Variants in DLGAP2 observed in about 807,000 individuals in gnomAD.
DLGAP2 encodes the protein DLG associated protein 2.
Under a neutral mutation model 100.3 loss-of-function variants are expected in DLGAP2, and 26 were observed. That is an observed-to-expected ratio of 0.26 (90% CI 0.19 to 0.36). The LOEUF (loss-of-function observed/expected upper bound fraction) is 0.36, where lower values mean the gene tolerates loss of function less well. Among genes scored for constraint, DLGAP2 ranks in the 10% least tolerant of loss-of-function variants. DLGAP2 has a pLI of 1.00. For synonymous variants in DLGAP2, 886 were observed against 630.1 expected, an observed-to-expected ratio of 1.41 and a Z score of -6.08; for missense variants, 1,858 against 1,453.2, an observed-to-expected ratio of 1.28 and a Z score of -4.53.
At chr8:1,382,278 G>A (rs1220343124) in intron 3 of DLGAP2, among the ~76,000 whole-genome samples, 1 of 152,218 alleles carries the variant, frequency 6.6e-6, no homozygotes, top group Non-Finnish European at 1.5e-5. Context: ...TCACCACAGA[G>A]GCCTTCATCC....
intron 2 of DLGAP2, among the ~76,000 whole-genome samples, chr8:915,956 C>T (rs1234584137): frequency 2.6e-5 from 4 of 151,478 alleles, no homozygotes; most frequent in Admixed American, 6.6e-5. Flanking sequence ...TCTGCCCGTC[C>T]GTCAGTTCAC....
chr8:1,099,235 C>A (rs1804500204), intron 2 of DLGAP2, among the ~76,000 whole-genome samples: 1 of 152,164 alleles, frequency 6.6e-6, no homozygotes, highest in South Asian at 2.1e-4. Context: ...GCGATGAATT[C>A]CCGCAGAGGG....
At chr8:1,571,139 G>GGAGGGT (rs1802654403) in intron 6 of DLGAP2, among the ~76,000 whole-genome samples, 1 of 125,756 alleles carries the variant, frequency 8.0e-6, no homozygotes, top group African/African-American at 3.5e-5. Flanking sequence ...GGGGTGAACT[G>GGAGGGT]TGGGGGCATC....
intron 1 of DLGAP2, among the ~76,000 whole-genome samples, chr8:823,799 G>A (rs1240233832): frequency 1.3e-5 from 2 of 152,196 alleles, no homozygotes; most frequent in South Asian, 2.1e-4. Context: ...GAGGCCATTC[G>A]GGAGCCCGGG....
At chr8:1,361,627 C>G (rs571301283) in intron 3 of DLGAP2, among the ~76,000 whole-genome samples, 61 of 152,328 alleles carry the variant, frequency 4.0e-4, no homozygotes, top group South Asian at 3.5e-3. Context: ...ATCGTTTAAA[C>G]GGAGCATGGG....
chr8:1,359,220 A>C (rs567467012), intron 3 of DLGAP2, among the ~76,000 whole-genome samples: 1 of 152,242 alleles, frequency 6.6e-6, no homozygotes, highest in Non-Finnish European at 1.5e-5. Flanking sequence ...TAAACTCAAC[A>C]GGAAAATCCA....
intron 3 of DLGAP2, among the ~76,000 whole-genome samples, chr8:1,497,736 G>C (rs1239538318): frequency 6.6e-6 from 1 of 152,236 alleles, no homozygotes; most frequent in African/African-American, 2.4e-5. Flanking sequence ...GGGTGGGAAC[G>C]TGGTAGAAGT....
intron 3 of DLGAP2, among the ~76,000 whole-genome samples, chr8:1,386,824 ATAT>A (rs1236955404): frequency 6.6e-6 from 1 of 152,214 alleles, no homozygotes; most frequent in Non-Finnish European, 1.5e-5. Flanking sequence ...GGGTTTTACC[ATAT>A]TGATGGAAAA....
chr8:994,186 T>C (rs1800718577), intron 2 of DLGAP2, among the ~76,000 whole-genome samples: 1 of 152,124 alleles, frequency 6.6e-6, no homozygotes, highest in African/African-American at 2.4e-5. Flanking sequence ...GACCTAAACA[T>C]CCTTATGGTG....
intron 2 of DLGAP2, among the ~76,000 whole-genome samples, chr8:1,189,595 G>C (rs983528386): frequency 6.6e-6 from 1 of 152,208 alleles, no homozygotes; most frequent in Non-Finnish European, 1.5e-5. Flanking sequence ...TGTAGAAACA[G>C]TATTTTTTGT....
intron 6 of DLGAP2, among the ~76,000 whole-genome samples, chr8:1,580,799 C>T (rs1343185529): frequency 1.3e-5 from 2 of 151,300 alleles, no homozygotes; most frequent in Non-Finnish European, 3.0e-5. Flanking sequence ...CATCTACACA[C>T]CACAGTAAAC....
At chr8:797,993 G>A (rs908002501) in intron 1 of DLGAP2, among the ~76,000 whole-genome samples, 10 of 152,082 alleles carry the variant, frequency 6.6e-5, no homozygotes, top group Admixed American at 3.9e-4. Context: ...GTCGTGATAC[G>A]CCCACCTCGG....
At chr8:1,104,540 C>G (rs900292994) in intron 2 of DLGAP2, among the ~76,000 whole-genome samples, 6 of 152,176 alleles carry the variant, frequency 3.9e-5, no homozygotes, top group Admixed American at 3.3e-4. Context: ...CTTAATTGAT[C>G]CTGAACACGA....
intron 14 of DLGAP2, among the ~76,000 whole-genome samples, chr8:1,698,145 C>T (rs1383731155): frequency 1.3e-5 from 2 of 152,216 alleles, no homozygotes; most frequent in Admixed American, 6.5e-5. Flanking sequence ...CAGAAGGTGC[C>T]CTGGCCACTA....
intron 2 of DLGAP2, among the ~76,000 whole-genome samples, chr8:1,167,879 A>T (rs1286997333): frequency 1.4e-5 from 2 of 146,334 alleles, no homozygotes; most frequent in Admixed American, 6.8e-5. Context: ...ACTTAACCTG[A>T]GTCCATTTTT....
chr8:768,037 A>T (rs183121497), intron 1 of DLGAP2, among the ~76,000 whole-genome samples: 78 of 152,314 alleles, frequency 5.1e-4, no homozygotes, highest in African/African-American at 1.9e-3. Context: ...GTGAAGGAAG[A>T]TGTGCATTCT....
chr8:1,336,006 GA>G (rs1379302569), intron 3 of DLGAP2, among the ~76,000 whole-genome samples: 4 of 152,164 alleles, frequency 2.6e-5, no homozygotes, highest in African/African-American at 4.8e-5. Flanking sequence ...CTCCAGGGGG[GA>G]AAACATCACA....
chr8:1,345,695 AG>A (rs1231751980), intron 3 of DLGAP2, among the ~76,000 whole-genome samples: 1 of 152,212 alleles, frequency 6.6e-6, no homozygotes, highest in African/African-American at 2.4e-5. Context: ...AAATGCACAG[AG>A]GGTGGTGAAG....
chr8:849,987 C>T (rs371102010), intron 1 of DLGAP2, among the ~76,000 whole-genome samples: 5 of 150,476 alleles, frequency 3.3e-5, no homozygotes, highest in African/African-American at 9.8e-5. Context: ...TTGCTTGAAC[C>T]TGGGAGGCAG....
Sources: gnomAD v4.1 joint callset for allele counts (sites outside exome capture counted in the v4.1 genomes callset) on GRCh38, gnomAD v4.1.1 for gene constraint, MANE v1.5 for transcripts, NCBI Gene and HGNC (gene_info 2026-07-23, HGNC 2026-07-21) for gene names.